CACNA1I: variants seen among roughly 807,000 people sequenced by gnomAD.
CACNA1I encodes the protein voltage-dependent T-type calcium channel subunit alpha-1I.
A neutral mutation model predicts 201.6 loss-of-function variants in CACNA1I; 74 were observed. That is an observed-to-expected ratio of 0.37 (90% CI 0.30 to 0.45). The LOEUF (loss-of-function observed/expected upper bound fraction) is 0.45. Ranked by LOEUF, CACNA1I falls within the 20% of genes least tolerant of loss-of-function variation. The probability of loss-of-function intolerance (pLI) is 1.00; values close to 1 mark genes in which losing one functional copy is unlikely to be tolerated. For synonymous variants in CACNA1I, 1,431 were observed against 1,345.2 expected (o/e 1.06, Z -1.40); for missense variants, 2,346 against 3,138.1 (o/e 0.75, Z 6.03).
chr22:39,666,122 C>A lies in CACNA1I; in HGVS notation c.4104+116C>A. 7.6e-7 allele frequency: 1 copy of A among 1,308,792 alleles called. No homozygotes were observed. Among genetic ancestry groups the A allele is most frequent in the Non-Finnish European group, 1.1e-6 (1 of 944,636 alleles). 81.1% of individuals were successfully genotyped at this position (1,308,792 alleles called of 1,614,324 possible). A position where few individuals can be genotyped will look rare whatever the true frequency, so the allele number is the denominator to read the frequency against. On this transcript the variant is annotated intron_variant, in intron 23 of 36. Transcript: ENST00000402142. The surrounding 1 kb of genome is among the most constrained non-coding windows in gnomAD (Gnocchi z 4.1). ...GCCAGGACTGACACTGACTTCTCCT[C>A]TCCAAGCCTCAGTTTCCTCTTCTGC...
Position 39,599,898 on chromosome 22 carries a change from C to CA in CACNA1I, c.349-621dup, listed in dbSNP as rs765200348. ...TAATCCTGGAAACAGGAATTCCACC[C>CA]AGTCCCCGCCCTCAGGAAGCATAAT... On this transcript the variant is annotated intron_variant, in intron 2 of 36. Coordinates refer to ENST00000402142, the MANE Select transcript of CACNA1I (RefSeq NM_021096.4). 3.8e-4 allele frequency among the ~76,000 whole-genome samples: 58 copies of CA among 152,334 alleles called. No individual in the cohort carries two copies. In the South Asian group the frequency reaches 5.0e-3, roughly 13 times the overall value.
intron 1 of CACNA1I, among the ~76,000 whole-genome samples, chr22:39,586,046 C>T (rs1259833788): frequency 6.6e-6 from 1 of 151,868 alleles, no homozygotes; most frequent in Non-Finnish European, 1.5e-5. Flanking sequence ...GGCATGGTGG[C>T]ATGTGCCTGT....
At chr22:39,652,534 A>G (rs1320341918) in intron 10 of CACNA1I, among the ~76,000 whole-genome samples, 1 of 152,228 alleles carries the variant, frequency 6.6e-6, no homozygotes, top group African/African-American at 2.4e-5. Context: ...CAAGGCAGGT[A>G]TTATTACCTC....
chr22:39,652,105 C>T (rs1601497420), intron 10 of CACNA1I, among the ~76,000 whole-genome samples: 1 of 150,558 alleles, frequency 6.6e-6, no homozygotes, highest in East Asian at 2.0e-4. Flanking sequence ...GTGATCTGGG[C>T]TCACTGCAAC....
In CACNA1I at chr22:39,664,982, G is replaced by A. The variant is rs1449135885; in HGVS notation, c.3851+59G>A. The A allele has an allele frequency of 2.1e-5, 32 of 1,510,194 alleles. No individual in the cohort carries two copies. In the South Asian group the frequency reaches 2.3e-4, roughly 11 times the overall value. 93.5% of individuals were successfully genotyped at this position (1,510,194 alleles called of 1,614,324 possible). A position where few individuals can be genotyped will look rare whatever the true frequency, so the allele number is the denominator to read the frequency against. Reference sequence around the variant, plus strand: ...GTCATGCACTGTACCGAGAAGCCACGGGTCGAATTGGGCCCTCACTCCGCC... The same window carrying A: ...GTCATGCACTGTACCGAGAAGCCACAGGTCGAATTGGGCCCTCACTCCGCC... On this transcript the variant is annotated intron_variant, in intron 21 of 36. Coordinates refer to ENST00000402142, the MANE Select transcript of CACNA1I (RefSeq NM_021096.4).
rs778796781 is a variant in CACNA1I at position 39,659,392 on chromosome 22, G to A, written c.2331-41G>A. The A allele has an allele frequency of 2.3e-6, 3 of 1,308,486 alleles. No homozygotes were observed. The highest frequency in any genetic ancestry group is 3.2e-6 in the Non-Finnish European group (3 of 925,314). The allele number at this position is 1,308,486 out of a possible 1,614,324, so 81.1% of individuals were successfully genotyped here. ...TGAAACAAGGTGAGTAGGCAGTTTG[G>A]TGCATGTGAGTCCGATGAGCCTCTT... is the stretch of plus-strand genomic sequence containing the variant. On this transcript the variant is annotated intron_variant, in intron 12 of 36. Coordinates refer to ENST00000402142, the MANE Select transcript of CACNA1I (RefSeq NM_021096.4). The surrounding 1 kb of genome is among the most constrained non-coding windows in gnomAD (Gnocchi z 4.3).
At chr22:39,595,597 C>T (rs564693674) in intron 1 of CACNA1I, among the ~76,000 whole-genome samples, 1 of 148,856 alleles carries the variant, frequency 6.7e-6, no homozygotes, top group African/African-American at 2.5e-5. Context: ...TGCACTCCAG[C>T]CTGGGCAATA....
chr22:39,686,214 G>A lies in CACNA1I; in HGVS notation c.6481G>A (p.Ala2161Thr). 5 of 1,240,902 alleles carry A rather than the reference G, an allele frequency of 4.0e-6. No homozygotes were observed. Among genetic ancestry groups the A allele is most frequent in the Non-Finnish European group, 5.0e-6 (5 of 994,828 alleles). 76.9% of individuals were successfully genotyped at this position (1,240,902 alleles called of 1,614,324 possible). A position where few individuals can be genotyped will look rare whatever the true frequency, so the allele number is the denominator to read the frequency against. Residue 2161 changes from alanine (A) to threonine (T), a missense_variant, in exon 37 of 37, where the codon GCC becomes ACC. By Grantham distance (58) the Ala-to-Thr change is moderately conservative. Around this residue, in one of 13 missense-constraint regions of CACNA1I, gnomAD observed 187 missense variants for 151.0 expected, o/e 1.24. Coordinates refer to ENST00000402142, the MANE Select transcript of CACNA1I (RefSeq NM_021096.4). ...RKFSSTSSLA[A>T]PGRPHAAALA... ...GTTCAGCAGCACCAGCAGCCTGGCC[G>A]CCCCCGGCCGCCCCCACGCCGCCGC...
intron 4 of CACNA1I, among the ~76,000 whole-genome samples, chr22:39,631,676 T>G (rs528213856): frequency 6.6e-6 from 1 of 152,202 alleles, no homozygotes; most frequent in Non-Finnish European, 1.5e-5. Flanking sequence ...TCTCTCTTTC[T>G]GTCACTCCTG....
chr22:39,658,799 C>T, intron 11 of CACNA1I, 132 bp from the exon 12 acceptor site: 1 of 797,928 alleles, frequency 1.3e-6, no homozygotes, highest in South Asian at 1.7e-5. Flanking sequence ...CAGCATCCAA[C>T]ATATTTGTCA....
At chr22:39,575,806 T>C (rs1932327017) in intron 1 of CACNA1I, among the ~76,000 whole-genome samples, 1 of 151,384 alleles carries the variant, frequency 6.6e-6, no homozygotes, top group East Asian at 1.9e-4. Flanking sequence ...ACAGAGTCTC[T>C]CTCTGTCACC....
chr22:39,672,282 T>C lies in CACNA1I; in HGVS notation c.4623T>C (p.Phe1541=), dbSNP rs367919398. Residue 1541 remains phenylalanine, a synonymous_variant, in exon 27 of 37, where the codon TTT becomes TTC. Coordinates refer to ENST00000402142, the MANE Select transcript of CACNA1I (RefSeq NM_021096.4). ...AGGCTGTGCTGAAGCTGGTGGCATTTGGTCTGAGGCGCTTCTTCAAGGACC... is the reference window on the plus strand; with the variant it reads ...AGGCTGTGCTGAAGCTGGTGGCATTCGGTCTGAGGCGCTTCTTCAAGGACC... ...VLEAVLKLVA[F]GLRRFFKDRW... is the part of the protein sequence containing the mutation. 2 of 1,613,384 alleles carry C rather than the reference T, an allele frequency of 1.2e-6. No individual in the cohort carries two copies. The highest frequency in any genetic ancestry group is 2.7e-5 in the African/African-American group (2 of 74,886).
At chr22:39,578,685 C>A (rs1398571867) in intron 1 of CACNA1I, among the ~76,000 whole-genome samples, 1 of 152,210 alleles carries the variant, frequency 6.6e-6, no homozygotes, top group Non-Finnish European at 1.5e-5. Flanking sequence ...CTCCACTGCT[C>A]CCTGCCTCCC....
At chr22:39,589,022 C>A (rs1288374177) in intron 1 of CACNA1I, among the ~76,000 whole-genome samples, 2 of 152,108 alleles carry the variant, frequency 1.3e-5, no homozygotes, top group Non-Finnish European at 2.9e-5. Context: ...CTGGATGATT[C>A]TTTGTTGTGG....
intron 2 of CACNA1I, among the ~76,000 whole-genome samples, chr22:39,598,875 AAC>A (rs1187026030): frequency 6.6e-6 from 1 of 151,506 alleles, no homozygotes; most frequent in African/African-American, 2.4e-5. Flanking sequence ...CAGATGTGGA[AAC>A]ACTCGGTGCA....
chr22:39,616,859 C>T (rs9306338), intron 3 of CACNA1I, among the ~76,000 whole-genome samples: 11,125 of 152,132 alleles, frequency 0.073, 483 homozygotes, highest in African/African-American at 0.11. Context: ...GTCCCCCAGC[C>T]TATCCTGGGG....
intron 3 of CACNA1I, among the ~76,000 whole-genome samples, chr22:39,602,053 T>G (rs200973506): frequency 9.5e-5 from 2 of 21,068 alleles, no homozygotes; most frequent in African/African-American, 2.6e-4. Flanking sequence ...TCTTTCGCCC[T>G]CCCTCCCTCC....
chr22:39,605,818 G>A lies in CACNA1I; in HGVS notation c.482+5165G>A, dbSNP rs573260534. On this transcript the variant is annotated intron_variant, in intron 3 of 36. Transcript: ENST00000402142. ...AAAGGGAGTTTCAGGCAGCGGGGAA[G>A]CATGCAGGAGGCCTGAGGGGGTGCA... Among the ~76,000 whole-genome samples the A allele has an allele frequency of 1.4e-4, 21 of 152,200 alleles. No individual in the cohort carries two copies. In the East Asian group the frequency reaches 3.9e-3, roughly 28 times the overall value.
In CACNA1I at chr22:39,659,567, T is replaced by C. The variant is rs531022180; in HGVS notation, c.2448+17T>C. 10 of 1,604,426 alleles carry C rather than the reference T, an allele frequency of 6.2e-6. No individual in the cohort carries two copies. The highest frequency in any genetic ancestry group is 4.0e-5 in the African/African-American group (3 of 74,756). On this transcript the variant is annotated intron_variant, in intron 13 of 36. Transcript: ENST00000402142. The surrounding 1 kb of genome is among the most constrained non-coding windows in gnomAD (Gnocchi z 4.3). ...GTGTTCCAGGTGAGTGGCCGCTGCGTGTTCATGTTTGCTGGGGAAGCGATG... is the reference window on the plus strand; with the variant it reads ...GTGTTCCAGGTGAGTGGCCGCTGCGCGTTCATGTTTGCTGGGGAAGCGATG...
Sources: allele counts gnomAD v4.1 joint callset (sites outside exome capture counted in the v4.1 genomes callset), GRCh38; gene constraint gnomAD v4.1.1; regional missense constraint gnomAD v4.1.1; non-coding constraint Gnocchi (gnomAD v3.1); transcripts MANE v1.5; gene names NCBI Gene and HGNC (gene_info 2026-07-23, HGNC 2026-07-21).